Variants in ACIN1 observed in about 807,000 individuals in gnomAD.
ACIN1 encodes the protein apoptotic chromatin condensation inducer 1, also known as apoptotic chromatin condensation inducer in the nucleus.
Under a neutral mutation model 146.6 loss-of-function variants are expected in ACIN1, and 16 were observed. The ratio of observed to expected loss-of-function variants is 0.11; its 90% CI spans 0.07 to 0.17. ACIN1 has a LOEUF of 0.17. Among genes scored for constraint, ACIN1 ranks in the 10% least tolerant of loss-of-function variants. The pLI is 1.00. For missense variants in ACIN1, 1,357 were observed against 1,609.3 expected (o/e 0.84, Z 2.68); for synonymous variants, 569 against 582.7 (o/e 0.98, Z 0.34).
intron 4 of ACIN1, 83 bp downstream of exon 4, chr14:23,089,899 T>C: frequency 7.2e-7 from 1 of 1,397,936 alleles, no homozygotes; most frequent in Non-Finnish European, 9.5e-7. Context: ...CATGGAGGCT[T>C]AGCATGAAAG....
chr14:23,078,867 G>A lies in ACIN1; in HGVS notation c.1960C>T (p.Pro654Ser), dbSNP rs769614267. 1 of 1,613,532 alleles carries A rather than the reference G, an allele frequency of 6.2e-7. No individual in the cohort carries two copies. Among genetic ancestry groups the A allele is most frequent in the South Asian group, 1.1e-5 (1 of 91,038 alleles). Residue 654 changes from proline to serine, a missense_variant, in exon 7 of 19, where the codon CCT becomes TCT. This residue lies in a region of ACIN1 where 771 missense variants were observed against 746.6 expected (regional missense o/e 1.03). Transcript: ENST00000605057. ...GTCACATGCTTTTCAGCTGATTCAG[G>A]CTGACTCAGACGCCTTGCTTGGACA... ...SSVQARRLSQ[P>S]ESAEKHVTQR...
intron 14 of ACIN1, 61 bp from the exon 15 acceptor site, chr14:23,062,584 G>C (rs1261271269): frequency 2.3e-5 from 34 of 1,466,772 alleles, no homozygotes; most frequent in Non-Finnish European, 3.1e-5. Context: ...CCAATCTTTA[G>C]ATTTCCCGAG....
chr14:23,066,125 GAGAGAGAGAC>G (rs2047448057), intron 9 of ACIN1, 117 bp from the exon 10 acceptor site: 5 of 766,582 alleles, frequency 6.5e-6, no homozygotes, highest in Non-Finnish European at 1.1e-5. Flanking sequence ...GATAGAGTGA[GAGAGAGAGAC>G]AGAGAGAGAC....
rs535073742 is a variant in ACIN1, at chr14:23,081,688, G to A, written c.525+60C>T. 24 of 1,408,622 alleles carry A rather than the reference G, an allele frequency of 1.7e-5. No homozygotes were observed. The South Asian group carries it at 2.9e-4, about 17-fold the overall frequency. 87.3% of individuals were successfully genotyped at this position (1,408,622 alleles called of 1,614,324 possible). A position where few individuals can be genotyped will look rare whatever the true frequency, so the allele number is the denominator to read the frequency against. The stretch of plus-strand genomic sequence containing the variant: ...CATACAAACTCAAAACAAGTCTGAA[G>A]AAGAGAAGATATCCAAAGCATTACT... On this transcript the variant is annotated intron_variant, in intron 5 of 18. Coordinates refer to ENST00000605057, the MANE Select transcript of ACIN1 (RefSeq NM_001386863.1).
chr14:23,085,769 A>C (rs1483435855), intron 4 of ACIN1, among the ~76,000 whole-genome samples: 1 of 152,236 alleles, frequency 6.6e-6, no homozygotes, highest in Non-Finnish European at 1.5e-5. Context: ...CATGGCCACA[A>C]TGAATGTCTT....
At chr14:23,089,194 C>T (rs1276932405) in intron 4 of ACIN1, among the ~76,000 whole-genome samples, 1 of 152,118 alleles carries the variant, frequency 6.6e-6, no homozygotes, top group East Asian at 1.9e-4. Flanking sequence ...GTGCCTGCCA[C>T]CATACCCAGC....
rs1666168112 is a variant in ACIN1 at position 23,090,538 on chromosome 14, T to C, written c.300A>G (p.Glu100=). 1 of 1,613,864 alleles carries C rather than the reference T, an allele frequency of 6.2e-7. No homozygotes were observed. The highest frequency in any genetic ancestry group is 1.3e-5 in the African/African-American group (1 of 74,934). The change falls in exon 3 of 19, where the codon GAA becomes GAG. Residue 100 remains glutamate, a synonymous_variant. Transcript: ENST00000605057. ...TGGGCTTACCTTCAAGTTCTGCAGC[T>C]TCTCGAGCTTCACGTTCCAGACGCT... ...LRQRLEREAR[E]AAELEEASAE... is the part of the protein sequence containing the mutation.
At chr14:23,066,127 GAGAGAGAC>G in intron 9 of ACIN1, 119 bp from the exon 10 acceptor site, 2 of 699,310 alleles carry the variant, frequency 2.9e-6, no homozygotes, top group South Asian at 3.7e-5. Flanking sequence ...TAGAGTGAGA[GAGAGAGAC>G]AGAGAGAGAC....
chr14:23,083,724 GT>G (rs2048011477), intron 4 of ACIN1, among the ~76,000 whole-genome samples: 1 of 152,004 alleles, frequency 6.6e-6, no homozygotes, highest in Non-Finnish European at 1.5e-5. Context: ...GCGAGACTCC[GT>G]CTCAAAAAAA....
Position 23,075,726 on chromosome 14 carries a change from C to T in ACIN1, c.2123+2425G>A, listed in dbSNP as rs73598419. 9.7e-3 allele frequency among the ~76,000 whole-genome samples: 1,416 copies of T among 145,442 alleles called. 23 individuals are homozygous for T. Among genetic ancestry groups the T allele is most frequent in the African/African-American group, 0.034 (1,360 of 39,494 alleles). ...TCTTTTCCATTTTTTTTTTTTGAGACGGAGTTTCGCTCTTGTTGCCCAGGC... is the reference window on the plus strand; with the variant it reads ...TCTTTTCCATTTTTTTTTTTTGAGATGGAGTTTCGCTCTTGTTGCCCAGGC... On this transcript the variant is annotated intron_variant, in intron 8 of 18. Transcript: ENST00000605057.
intron 1 of ACIN1, chr14:23,094,701 G>T: frequency 1.5e-6 from 1 of 660,144 alleles, no homozygotes; most frequent in Non-Finnish European, 2.3e-6. Flanking sequence ...CAAACAAGGA[G>T]GGGGTGGGGG....
At position 23,062,538 on chromosome 14, in the gene ACIN1, A is replaced by G. The variant is rs377070120; in HGVS notation, c.2884-15T>C. On this transcript the variant is annotated splice_polypyrimidine_tract_variant and intron_variant, in intron 14 of 18. Transcript: ENST00000605057. Reference sequence around the variant, plus strand: ...AAAGGACGGACCTGCCAATGAAAATAGACTTTCAGGGTCTAGCAGAAGGCA... The same window carrying G: ...AAAGGACGGACCTGCCAATGAAAATGGACTTTCAGGGTCTAGCAGAAGGCA... 6.2e-7 allele frequency: 1 copy of G among 1,611,868 alleles called. No homozygotes were observed. Among genetic ancestry groups the G allele is most frequent in the Non-Finnish European group, 8.5e-7 (1 of 1,177,934 alleles).
At chr14:23,066,149 G>A in intron 9 of ACIN1, 141 bp from the exon 10 acceptor site, 1 of 625,418 alleles carries the variant, frequency 1.6e-6, no homozygotes, top group Non-Finnish European at 2.7e-6. Flanking sequence ...GAGAGACACA[G>A]AGACAGACAG....
Position 23,068,687 on chromosome 14 carries a change from AC to A in ACIN1, c.2265+788del. The A allele has an allele frequency of 2.0e-6, 2 of 985,808 alleles. No individual in the cohort carries two copies. The highest frequency in any genetic ancestry group is 2.4e-6 in the Non-Finnish European group (2 of 829,950). The allele number at this position is 985,808 out of a possible 1,614,324, so 61.1% of individuals were successfully genotyped here. A position where few individuals can be genotyped will look rare whatever the true frequency, so the allele number is the denominator to read the frequency against. Reference sequence around the variant, plus strand: ...ACATGAGGTACTTGGACAAAGTTTTACGGGGAAGAAGGACCTTGTAATAAAT... The same window carrying A: ...ACATGAGGTACTTGGACAAAGTTTTAGGGGAAGAAGGACCTTGTAATAAAT... On this transcript the variant is annotated intron_variant, in intron 9 of 18. Coordinates refer to ENST00000605057, the MANE Select transcript of ACIN1 (RefSeq NM_001386863.1). This position sits in a 1 kb window ranked among gnomAD's most constrained non-coding sequence, Gnocchi z 4.3.
At chr14:23,071,367 T>C in intron 8 of ACIN1, 2 of 1,535,424 alleles carry the variant, frequency 1.3e-6, no homozygotes, top group South Asian at 2.4e-5. Context: ...GGGGAGGTGG[T>C]GGTGGTGCGG....
chr14:23,092,989 G>A (rs2048266491), intron 2 of ACIN1, among the ~76,000 whole-genome samples: 1 of 152,226 alleles, frequency 6.6e-6, no homozygotes, highest in African/African-American at 2.4e-5. Context: ...AGAGGTATTA[G>A]TAATGTTTAT....
chr14:23,058,622 AAAAAAT>A lies in ACIN1; in HGVS notation c.*520_*525del, dbSNP rs1300704176. Reference sequence around the variant, plus strand: ...CATAGACCACATCATTTAATAATAAAAAAAATAAAAATAAAAATTGAACAAAAGGAA... The same window carrying A: ...CATAGACCACATCATTTAATAATAAAAAAAATAAAAATTGAACAAAAGGAA... On this transcript the variant is annotated 3_prime_UTR_variant, in exon 19 of 19. Transcript: ENST00000605057. 1.9e-5 allele frequency: 3 copies of A among 155,160 alleles called. No homozygotes were observed. Among genetic ancestry groups the A allele is most frequent in the South Asian group, 2.0e-4 (1 of 5,052 alleles). 9.6% of individuals were successfully genotyped at this position (155,160 alleles called of 1,614,324 possible).
chr14:23,085,237 A>G (rs576884695), intron 4 of ACIN1, among the ~76,000 whole-genome samples: 1 of 152,220 alleles, frequency 6.6e-6, no homozygotes, highest in East Asian at 1.9e-4. Context: ...TGGGATGCTG[A>G]GGCAGGAGAA....
chr14:23,078,710 T>C, intron 7 of ACIN1, 110 bp downstream of exon 7: 5 of 1,193,770 alleles, frequency 4.2e-6, no homozygotes, highest in Non-Finnish European at 5.8e-6. Flanking sequence ...ATCCACCACA[T>C]TTCTACTGAA....
Sources: allele counts gnomAD v4.1 joint callset (sites outside exome capture counted in the v4.1 genomes callset), GRCh38; gene constraint gnomAD v4.1.1; regional missense constraint gnomAD v4.1.1; non-coding constraint Gnocchi (gnomAD v3.1); transcripts MANE v1.5; gene names NCBI Gene and HGNC (gene_info 2026-07-23, HGNC 2026-07-21).